The following PRKAR1A variants were observed in gnomAD, a reference collection of about 807,000 sequenced individuals.
PRKAR1A encodes cAMP-dependent protein kinase type I-alpha regulatory subunit.
A neutral mutation model predicts 52.0 loss-of-function variants in PRKAR1A; 3 were observed. The observed-to-expected ratio is 0.06, with a 90% CI of 0.03 to 0.15. PRKAR1A has a LOEUF of 0.15. Ranked by LOEUF, PRKAR1A falls within the 10% of genes least tolerant of loss-of-function variation. PRKAR1A has a pLI of 1.00. For synonymous variants in PRKAR1A, 188 were observed against 168.4 expected, an observed-to-expected ratio of 1.12 and a Z score of -0.90; for missense variants, 240 against 477.4, an observed-to-expected ratio of 0.50 and a Z score of 4.63.
At chr17:68,486,742 G>A in the PRKAR1A span, among the ~76,000 whole-genome samples, 1 of 151,524 alleles carries the variant, frequency 6.6e-6, no homozygotes, top group Non-Finnish European at 1.5e-5. Context: ...TGAAACTTGA[G>A]CTGAAAATCT....
At chr17:68,515,354 T>G (rs571960368) in intron 1 of PRKAR1A, 40 bp from the exon 2 acceptor site, 1 of 1,609,372 alleles carries the variant, frequency 6.2e-7, no homozygotes, top group East Asian at 2.2e-5. Flanking sequence ...ACATTTTGCT[T>G]TATAGTTTAT....
At chr17:68,437,211 C>A in the PRKAR1A span, among the ~76,000 whole-genome samples, 1 of 152,032 alleles carries the variant, frequency 6.6e-6, no homozygotes, top group Non-Finnish European at 1.5e-5. Context: ...TACTGTTGGC[C>A]AGTAACTTCA....
chr17:68,424,346 T>C, the PRKAR1A span: 1 of 489,738 alleles, frequency 2.0e-6, no homozygotes. Context: ...CAGCCCTGCA[T>C]GCAGGGCCCC....
downstream of PRKAR1A, chr17:68,535,751 A>G (rs1268368742): frequency 2.2e-6 from 1 of 452,598 alleles, no homozygotes; most frequent in East Asian, 7.0e-5. Context: ...AGACCAAGCG[A>G]TCTGCCTGTT....
intron 2 of PRKAR1A, among the ~76,000 whole-genome samples, chr17:68,517,234 C>T (rs1211830798): frequency 6.6e-6 from 1 of 152,146 alleles, no homozygotes; most frequent in Non-Finnish European, 1.5e-5. Flanking sequence ...TACATTCCTT[C>T]CAGGGTTGAA....
chr17:68,485,584 A>G, the PRKAR1A span, among the ~76,000 whole-genome samples: 1 of 152,160 alleles, frequency 6.6e-6, no homozygotes, highest in Non-Finnish European at 1.5e-5. Flanking sequence ...ACCACAGAAG[A>G]AGAGACTCCG....
rs1022518275 is a variant in PRKAR1A at position 68,532,012 on chromosome 17, A to T, written c.*1563A>T. Reference sequence around the variant, plus strand: ...AGGTAATTTAAATTGGTCATGGTAGATTTTTTTCATAGATTTGAAAAACTT... The same window carrying T: ...AGGTAATTTAAATTGGTCATGGTAGTTTTTTTTCATAGATTTGAAAAACTT... On this transcript the variant is annotated 3_prime_UTR_variant, in exon 11 of 11. Coordinates refer to ENST00000589228, the MANE Select transcript of PRKAR1A (RefSeq NM_002734.5). 5.5e-5 allele frequency: 59 copies of T among 1,065,444 alleles called. No individual in the cohort carries two copies. Among genetic ancestry groups the T allele is most frequent in the Non-Finnish European group, 6.5e-5 (57 of 879,156 alleles). 66.0% of individuals were successfully genotyped at this position (1,065,444 alleles called of 1,614,324 possible).
the PRKAR1A span, chr17:68,422,638 AG>A: frequency 6.7e-6 from 1 of 148,598 alleles, no homozygotes; most frequent in Non-Finnish European, 1.5e-5. Flanking sequence ...CTGAGGCACT[AG>A]AATCACTTGA....
chr17:68,543,514 A>G, intron 11 of PRKAR1A: 2 of 894,714 alleles, frequency 2.2e-6, no homozygotes, highest in Non-Finnish European at 3.7e-6. Context: ...CGAAGAAGAT[A>G]GAAAGCCAGA....
upstream of PRKAR1A, among the ~76,000 whole-genome samples, chr17:68,509,023 A>G (rs1283715051): frequency 6.6e-6 from 1 of 152,180 alleles, no homozygotes; most frequent in African/African-American, 2.4e-5. Flanking sequence ...TGTTTAGCCA[A>G]TGGAAACTTT....
chr17:68,540,783 G>C, intron 11 of PRKAR1A: 1 of 1,546,224 alleles, frequency 6.5e-7, no homozygotes, highest in Non-Finnish European at 8.7e-7. Flanking sequence ...TGTGCTCAAG[G>C]TCACGGGGAA....
chr17:68,471,031 T>C, the PRKAR1A span, among the ~76,000 whole-genome samples: 1 of 152,204 alleles, frequency 6.6e-6, no homozygotes, highest in East Asian at 1.9e-4. Context: ...TTGTTTTGTA[T>C]AAATGAATAA....
the PRKAR1A span, among the ~76,000 whole-genome samples, chr17:68,415,795 G>A: frequency 1.3e-5 from 2 of 152,178 alleles, no homozygotes; most frequent in South Asian, 4.1e-4. Flanking sequence ...TTTAACTGCC[G>A]TTGCTTTAAA....
the PRKAR1A span, among the ~76,000 whole-genome samples, chr17:68,481,746 G>A: frequency 1.3e-5 from 2 of 152,106 alleles, no homozygotes; most frequent in Admixed American, 6.5e-5. Flanking sequence ...TTTTTCGTGT[G>A]ATATTATTTA....
chr17:68,524,257 CTT>C (rs1293517177), intron 5 of PRKAR1A, 180 bp downstream of exon 5: 2 of 617,678 alleles, frequency 3.2e-6, no homozygotes, highest in East Asian at 5.6e-5. Context: ...GGACAGAACA[CTT>C]TGTATTGGGA....
intron 7 of PRKAR1A, among the ~76,000 whole-genome samples, chr17:68,526,588 T>C (rs1485134375): frequency 6.6e-6 from 1 of 152,138 alleles, no homozygotes; most frequent in African/African-American, 2.4e-5. Context: ...ATAGATAGAT[T>C]AGATTAGATA....
upstream of PRKAR1A, chr17:68,512,241 G>A (rs1448070180): frequency 6.5e-6 from 1 of 153,484 alleles, no homozygotes; most frequent in African/African-American, 2.4e-5. Context: ...GTGGATAAGG[G>A]ACGAGTAAGA....
intron 1 of PRKAR1A, among the ~76,000 whole-genome samples, chr17:68,514,495 CTGTT>C (rs2085368067): frequency 1.3e-5 from 2 of 152,182 alleles, no homozygotes; most frequent in East Asian, 3.8e-4. Context: ...ATCATTATCT[CTGTT>C]TGCTTTACTT....
the PRKAR1A span, chr17:68,422,092 G>T: frequency 9.5e-6 from 4 of 419,012 alleles, no homozygotes; most frequent in Admixed American, 1.4e-4. Flanking sequence ...TTTTTAAAAG[G>T]CTCATCTTAC....
Sources: gnomAD v4.1 joint callset for allele counts (sites outside exome capture counted in the v4.1 genomes callset) on GRCh38, gnomAD v4.1.1 for gene constraint, MANE v1.5 for transcripts, NCBI Gene and HGNC (gene_info 2026-07-23, HGNC 2026-07-21) for gene names.